The following CTDSPL2 variants were observed in gnomAD, a reference collection of about 807,000 sequenced individuals.
CTDSPL2 encodes CTD small phosphatase-like protein 2.
Under a neutral mutation model 60.0 loss-of-function variants are expected in CTDSPL2, and 5 were observed. The ratio of observed to expected loss-of-function variants is 0.08; its 90% confidence interval spans 0.04 to 0.18. The LOEUF is 0.18. CTDSPL2 is among the 10% of genes least tolerant of loss of function. The pLI is 1.00. For synonymous variants in CTDSPL2, 186 were observed against 189.3 expected (o/e 0.98, Z 0.14); for missense variants, 370 against 548.8 (o/e 0.67, Z 3.26).
chr15:44,464,372 T>C (rs1450166816), intron 2 of CTDSPL2, among the ~76,000 whole-genome samples: 1 of 152,156 alleles, frequency 6.6e-6, no homozygotes, highest in African/African-American at 2.4e-5. Flanking sequence ...AGCTGGAGCC[T>C]AGTTTACCTG....
intron 5 of CTDSPL2, among the ~76,000 whole-genome samples, chr15:44,495,708 C>T (rs763694740): frequency 3.3e-5 from 5 of 152,034 alleles, no homozygotes; most frequent in South Asian, 2.1e-4. Context: ...TTGAGGTGCA[C>T]GGATCACCTG....
At chr15:44,518,276 A>G (rs1229304817) in intron 10 of CTDSPL2, among the ~76,000 whole-genome samples, 1 of 152,192 alleles carries the variant, frequency 6.6e-6, no homozygotes, top group Admixed American at 6.5e-5. Context: ...TTCAAGGTAG[A>G]AAAAAATTAT....
intron 2 of CTDSPL2, among the ~76,000 whole-genome samples, chr15:44,474,335 C>G (rs186577285): frequency 6.6e-6 from 1 of 152,138 alleles, no homozygotes; most frequent in African/African-American, 2.4e-5. Context: ...TAATAAAGTA[C>G]AAGAAATTAG....
rs2081839797 is a variant in CTDSPL2 at position 44,524,369 on chromosome 15, T to C, written c.*195T>C. Reference sequence around the variant, plus strand: ...TCTCAGATCGAATACATATAGTAGGTAGGCTAAAACAGAAGAGTCTTTAGA... The same window carrying C: ...TCTCAGATCGAATACATATAGTAGGCAGGCTAAAACAGAAGAGTCTTTAGA... On this transcript the variant is annotated 3_prime_UTR_variant, in exon 13 of 13. Coordinates refer to ENST00000260327, the MANE Select transcript of CTDSPL2 (RefSeq NM_016396.3). The C allele has an allele frequency of 1.8e-6, 1 of 565,382 alleles. No homozygotes were observed. The highest frequency in any genetic ancestry group is 3.1e-6 in the Non-Finnish European group (1 of 318,076). The allele number at this position is 565,382 out of a possible 1,614,324, so 35.0% of individuals were successfully genotyped here.
intron 1 of CTDSPL2, among the ~76,000 whole-genome samples, chr15:44,428,562 G>A (rs1187046173): frequency 2.6e-5 from 4 of 152,198 alleles, no homozygotes; most frequent in African/African-American, 9.6e-5. Flanking sequence ...GCGTACCTTA[G>A]GGAAACCTAA....
chr15:44,484,496 A>C, intron 3 of CTDSPL2, 134 bp downstream of exon 3: 1 of 847,914 alleles, frequency 1.2e-6, no homozygotes, highest in South Asian at 1.7e-5. Context: ...ACATTTTGGG[A>C]GGCCGAGGTC....
intron 2 of CTDSPL2, among the ~76,000 whole-genome samples, chr15:44,474,250 G>A (rs1481199254): frequency 6.6e-6 from 1 of 152,160 alleles, no homozygotes; most frequent in Non-Finnish European, 1.5e-5. Flanking sequence ...TTAGGAGGCC[G>A]AGAAGGGCAG....
intron 1 of CTDSPL2, among the ~76,000 whole-genome samples, chr15:44,444,584 G>C (rs1317304877): frequency 6.6e-6 from 1 of 151,848 alleles, no homozygotes; most frequent in Non-Finnish European, 1.5e-5. Flanking sequence ...GAGCTCAGGC[G>C]ATCTACCCTC....
intron 3 of CTDSPL2, 135 bp downstream of exon 3, chr15:44,484,497 G>A: frequency 1.2e-6 from 1 of 811,730 alleles, no homozygotes; most frequent in Non-Finnish European, 1.9e-6. Flanking sequence ...CATTTTGGGA[G>A]GCCGAGGTCG....
intron 2 of CTDSPL2, among the ~76,000 whole-genome samples, chr15:44,468,454 T>G (rs1428234971): frequency 6.6e-6 from 1 of 152,212 alleles, no homozygotes; most frequent in East Asian, 1.9e-4. Context: ...CATTATTCGT[T>G]CAAAGGGATT....
rs1595679649 is a variant in CTDSPL2, at chr15:44,427,766, C to G, written c.-31C>G. 2.0e-5 allele frequency: 8 copies of G among 399,308 alleles called. No individual in the cohort carries two copies. In the East Asian group the frequency reaches 2.8e-4, roughly 14 times the overall value. 24.7% of individuals were successfully genotyped at this position (399,308 alleles called of 1,614,324 possible). On this transcript the variant is annotated 5_prime_UTR_variant, in exon 1 of 13. Transcript: ENST00000260327. ...GCCTGAGGACACTTCTCTGTCGTCACAGTTAGGTAATCCCCTTCGTCCAGA... is the reference window on the plus strand; with the variant it reads ...GCCTGAGGACACTTCTCTGTCGTCAGAGTTAGGTAATCCCCTTCGTCCAGA...
chr15:44,480,818 G>T (rs1595742697), intron 2 of CTDSPL2, among the ~76,000 whole-genome samples: 1 of 151,932 alleles, frequency 6.6e-6, no homozygotes, highest in East Asian at 1.9e-4. Context: ...GGGCGACAGA[G>T]ACCCTGCCTC....
At chr15:44,436,949 G>A (rs1241907606) in intron 1 of CTDSPL2, among the ~76,000 whole-genome samples, 8 of 152,140 alleles carry the variant, frequency 5.3e-5, no homozygotes, top group Non-Finnish European at 1.2e-4. Flanking sequence ...TATACATAAT[G>A]AGGTATCTTG....
At position 44,527,101 on chromosome 15, in the gene CTDSPL2, G is replaced by A. The variant is rs999462578; in HGVS notation, c.*2927G>A. 6.6e-6 allele frequency: 1 copy of A among 152,338 alleles called. No individual in the cohort carries two copies. Among genetic ancestry groups the A allele is most frequent in the Non-Finnish European group, 1.5e-5 (1 of 67,938 alleles). 9.4% of individuals were successfully genotyped at this position (152,338 alleles called of 1,614,324 possible). On this transcript the variant is annotated 3_prime_UTR_variant, in exon 13 of 13. Transcript: ENST00000260327. Reference sequence around the variant, plus strand: ...TGATGACAATTCGTAACCATAAATTGTTTTATATTAGCTAGTATGTATATT... The same window carrying A: ...TGATGACAATTCGTAACCATAAATTATTTTATATTAGCTAGTATGTATATT...
chr15:44,483,777 A>G (rs1402199139), intron 2 of CTDSPL2, among the ~76,000 whole-genome samples: 2 of 152,148 alleles, frequency 1.3e-5, no homozygotes, highest in Non-Finnish European at 2.9e-5. Flanking sequence ...TGGCAGTGCC[A>G]GGCCCCACCT....
At chr15:44,429,120 G>A (rs1405543853) in intron 1 of CTDSPL2, among the ~76,000 whole-genome samples, 6 of 152,164 alleles carry the variant, frequency 3.9e-5, no homozygotes, top group Admixed American at 3.9e-4. Flanking sequence ...TTTGCACGAT[G>A]TTATGGTTAA....
chr15:44,452,190 C>T (rs1403329721), intron 1 of CTDSPL2, among the ~76,000 whole-genome samples: 3 of 152,088 alleles, frequency 2.0e-5, no homozygotes, highest in Non-Finnish European at 4.4e-5. Context: ...AAAAGATACT[C>T]CTATAACATT....
chr15:44,459,073 C>G lies in CTDSPL2; in HGVS notation c.59C>G (p.Thr20Ser), dbSNP rs1300821378. 1 of 1,612,172 alleles carries G rather than the reference C, an allele frequency of 6.2e-7. No individual in the cohort carries two copies. Among genetic ancestry groups the G allele is most frequent in the Admixed American group, 1.7e-5 (1 of 59,856 alleles). ...TCAAATCAAATCCAAACACAACGCA[C>G]TGCCAGAGCAAAGAGGAAATATTCA... is the stretch of plus-strand genomic sequence containing the variant. ...QQSNQIQTQR[T>S]ARAKRKYSEV... is the part of the protein sequence containing the mutation. Residue 20 changes from threonine to serine, a missense_variant, in exon 2 of 13, where the codon ACT (threonine) becomes AGT (serine). By Grantham distance (58) the Thr-to-Ser change is moderately conservative. Coordinates refer to ENST00000260327, the MANE Select transcript of CTDSPL2 (RefSeq NM_016396.3).
intron 5 of CTDSPL2, 108 bp downstream of exon 5, chr15:44,491,107 C>T (rs556155399): frequency 5.1e-6 from 4 of 787,698 alleles, no homozygotes; most frequent in Non-Finnish European, 7.9e-6. Context: ...GTTTTTCTTC[C>T]TGGAAGTTAA....
Sources: allele counts gnomAD v4.1 joint callset (sites outside exome capture counted in the v4.1 genomes callset), GRCh38; gene constraint gnomAD v4.1.1; transcripts MANE v1.5; gene names NCBI Gene and HGNC (gene_info 2026-07-23, HGNC 2026-07-21).